Variants in IMMP2L observed in about 807,000 individuals in gnomAD.
IMMP2L encodes inner mitochondrial membrane peptidase subunit 2, also known as mitochondrial inner membrane protease subunit 2.
IMMP2L carries 18 observed loss-of-function variants against 19.3 expected under a neutral mutation model. That is an observed-to-expected ratio of 0.93 (90% CI 0.64 to 1.38). IMMP2L has a LOEUF of 1.38. Ranked by LOEUF, IMMP2L falls within the 40% of genes most tolerant of loss-of-function variation. The probability of loss-of-function intolerance (pLI) is 0.00; values close to 1 mark genes in which losing one functional copy is unlikely to be tolerated. For missense variants in IMMP2L, 233 were observed against 218.2 expected (o/e 1.07, Z -0.43); for synonymous variants, 76 against 73.0 (o/e 1.04, Z -0.21).
At chr7:110,707,120 G>A in intron 5 of IMMP2L, among the ~76,000 whole-genome samples, 1 of 93,292 alleles carries the variant, frequency 1.1e-5, no homozygotes, top group Non-Finnish European at 2.2e-5. Context: ...GAGTCATCTA[G>A]CATTAGGTAT....
intron 3 of IMMP2L, among the ~76,000 whole-genome samples, chr7:111,281,790 T>G (rs1190885897): frequency 6.6e-6 from 1 of 152,140 alleles, no homozygotes; most frequent in Non-Finnish European, 1.5e-5. Context: ...TTTGATTTCA[T>G]ACAGTGAAGA....
intron 3 of IMMP2L, among the ~76,000 whole-genome samples, chr7:111,465,501 T>TAAAAAAAAAAAAAAAAAAAAA (rs757362734): frequency 1.6e-5 from 1 of 64,314 alleles, no homozygotes; most frequent in African/African-American, 5.1e-5. Flanking sequence ...CAGGTGTCAC[T>TAAAAAAAAAAAAAAAAAAAAA]AAAAAAAAAA....
chr7:110,689,145 A>C (rs1214026978), intron 5 of IMMP2L, among the ~76,000 whole-genome samples: 1 of 152,170 alleles, frequency 6.6e-6, no homozygotes, highest in Non-Finnish European at 1.5e-5. Flanking sequence ...TCTGTGGTTC[A>C]AACAGGCCTC....
At chr7:111,237,617 G>A in intron 3 of IMMP2L, among the ~76,000 whole-genome samples, 1 of 151,514 alleles carries the variant, frequency 6.6e-6, no homozygotes, top group African/African-American at 2.4e-5. Context: ...TTAAAATAAA[G>A]CATTACTATG....
In IMMP2L at chr7:111,032,300, C is replaced by G. The variant is rs1790908743; in HGVS notation, c.240-68735G>C. On this transcript the variant is annotated intron_variant, in intron 3 of 5. Transcript: ENST00000405709. ...AGATCAATAGAATAGAATGGAGAGC[C>G]TAGAATTATGTGTAGACCTACATAA... Among the ~76,000 whole-genome samples the G allele has an allele frequency of 2.0e-5, 3 of 151,938 alleles. No individual in the cohort carries two copies. The South Asian group carries it at 6.2e-4, about 32-fold the overall frequency.
intron 3 of IMMP2L, among the ~76,000 whole-genome samples, chr7:111,258,217 A>G (rs1338512671): frequency 1.3e-5 from 2 of 152,146 alleles, no homozygotes; most frequent in Admixed American, 6.6e-5. Flanking sequence ...ACAAATCTCA[A>G]TGATGAAGAT....
At chr7:111,105,680 C>G (rs937400964) in intron 3 of IMMP2L, among the ~76,000 whole-genome samples, 1 of 151,702 alleles carries the variant, frequency 6.6e-6, no homozygotes, top group African/African-American at 2.4e-5. Context: ...GTCTATTTTC[C>G]CATAGCTTTA....
intron 3 of IMMP2L, among the ~76,000 whole-genome samples, chr7:110,971,390 A>G (rs966091107): frequency 3.3e-5 from 5 of 152,072 alleles, no homozygotes; most frequent in African/African-American, 1.2e-4. Context: ...ACGGATGGGA[A>G]CGGAGACACT....
chr7:111,265,698 G>A (rs1175490830), intron 3 of IMMP2L, among the ~76,000 whole-genome samples: 1 of 152,138 alleles, frequency 6.6e-6, no homozygotes, highest in Non-Finnish European at 1.5e-5. Context: ...CTTAGAAATT[G>A]CTCAAGATTT....
At chr7:110,834,612 T>C (rs1324194326) in intron 5 of IMMP2L, among the ~76,000 whole-genome samples, 1 of 152,144 alleles carries the variant, frequency 6.6e-6, no homozygotes, top group African/African-American at 2.4e-5. Flanking sequence ...AGAATTAAAT[T>C]TTTGAGTTCA....
At chr7:110,989,824 T>C (rs1822266823) in intron 3 of IMMP2L, among the ~76,000 whole-genome samples, 1 of 151,930 alleles carries the variant, frequency 6.6e-6, no homozygotes, top group Admixed American at 6.6e-5. Context: ...AAAAACCTTT[T>C]AAAAGAAATG....
chr7:110,843,305 C>T (rs1585001401), intron 5 of IMMP2L, among the ~76,000 whole-genome samples: 1 of 152,150 alleles, frequency 6.6e-6, no homozygotes, highest in East Asian at 1.9e-4. Context: ...GATGAAGAAA[C>T]AAACCAAATA....
At chr7:110,683,407 A>G (rs998908420) in intron 5 of IMMP2L, among the ~76,000 whole-genome samples, 2 of 152,160 alleles carry the variant, frequency 1.3e-5, no homozygotes, top group Admixed American at 6.6e-5. Context: ...TTGGTCAGAA[A>G]AAAACTTTTG....
At chr7:111,514,719 A>G (rs1323583536) in intron 2 of IMMP2L, among the ~76,000 whole-genome samples, 1 of 152,092 alleles carries the variant, frequency 6.6e-6, no homozygotes, top group African/African-American at 2.4e-5. Flanking sequence ...AGAGCCAACA[A>G]TTATGGATTC....
intron 5 of IMMP2L, among the ~76,000 whole-genome samples, chr7:110,775,876 A>C (rs935789645): frequency 6.6e-6 from 1 of 151,988 alleles, no homozygotes; most frequent in African/African-American, 2.4e-5. Context: ...ATGCCCACGC[A>C]TTACCCTGGT....
chr7:110,922,797 T>C (rs1204985305), intron 4 of IMMP2L, among the ~76,000 whole-genome samples: 1 of 152,184 alleles, frequency 6.6e-6, no homozygotes, highest in Non-Finnish European at 1.5e-5. Context: ...ATGTATATCA[T>C]GAGCAAACTG....
intron 3 of IMMP2L, among the ~76,000 whole-genome samples, chr7:111,448,473 A>G (rs1838763214): frequency 6.7e-6 from 1 of 148,446 alleles, no homozygotes; most frequent in African/African-American, 2.5e-5. Flanking sequence ...GTACATAACG[A>G]AATGAAGGCA....
intron 3 of IMMP2L, among the ~76,000 whole-genome samples, chr7:111,130,127 C>T (rs1801707915): frequency 1.3e-5 from 2 of 152,082 alleles, no homozygotes; most frequent in Admixed American, 6.6e-5. Context: ...ACTGTATATA[C>T]ATCTCAGAAG....
intron 3 of IMMP2L, among the ~76,000 whole-genome samples, chr7:111,322,891 T>C (rs945347183): frequency 5.3e-5 from 8 of 151,660 alleles, no homozygotes; most frequent in African/African-American, 1.9e-4. Flanking sequence ...AAAGCCTACG[T>C]CTCCCAGCTT....
Sources: allele counts gnomAD v4.1 joint callset (sites outside exome capture counted in the v4.1 genomes callset), GRCh38; gene constraint gnomAD v4.1.1; transcripts MANE v1.5; gene names NCBI Gene and HGNC (gene_info 2026-07-23, HGNC 2026-07-21).